The following NXPH1 variants were observed in gnomAD, a reference collection of about 807,000 sequenced individuals.
NXPH1 encodes the protein neurexophilin 1, also known as neurexophilin-1.
NXPH1 carries 5 observed loss-of-function variants against 23.7 expected under a neutral mutation model. That is an observed-to-expected ratio of 0.21 (90% CI 0.11 to 0.44). The LOEUF is 0.44. Among genes scored for constraint, NXPH1 ranks in the 20% least tolerant of loss-of-function variants. NXPH1 has a pLI of 0.99. For missense variants in NXPH1, 324 were observed against 321.6 expected, an observed-to-expected ratio of 1.01 and a Z score of -0.06; for synonymous variants, 144 against 122.2, an observed-to-expected ratio of 1.18 and a Z score of -1.18.
intron 2 of NXPH1, among the ~76,000 whole-genome samples, chr7:8,455,611 T>G (rs575286168): frequency 0.037 from 5,708 of 152,284 alleles, 140 homozygotes; most frequent in Non-Finnish European, 0.053. Context: ...CCAGAGAGAA[T>G]GTTAATTCCC....
intron 2 of NXPH1, among the ~76,000 whole-genome samples, chr7:8,749,220 C>T (rs957296541): frequency 2.0e-5 from 3 of 152,196 alleles, no homozygotes; most frequent in African/African-American, 4.8e-5. Context: ...AGCCACTGTT[C>T]TAAAGGTTTT....
At chr7:8,596,032 A>G (rs775162052) in intron 2 of NXPH1, among the ~76,000 whole-genome samples, 1 of 152,146 alleles carries the variant, frequency 6.6e-6, no homozygotes, top group Non-Finnish European at 1.5e-5. Flanking sequence ...TGATATGTCT[A>G]TGATGTACAT....
At chr7:8,724,643 T>C (rs1454207228) in intron 2 of NXPH1, among the ~76,000 whole-genome samples, 2 of 152,238 alleles carry the variant, frequency 1.3e-5, no homozygotes, top group African/African-American at 2.4e-5. Flanking sequence ...TTTCATCTTA[T>C]GATGTTTGTA....
At chr7:8,728,652 C>T (rs1031093343) in intron 2 of NXPH1, among the ~76,000 whole-genome samples, 10 of 151,142 alleles carry the variant, frequency 6.6e-5, no homozygotes, top group South Asian at 4.2e-4. Context: ...TATTGATTTG[C>T]GTATATTGAA....
At chr7:8,439,056 G>A (rs143431021) in intron 2 of NXPH1, among the ~76,000 whole-genome samples, 51 of 152,260 alleles carry the variant, frequency 3.3e-4, no homozygotes, top group African/African-American at 1.1e-3. Flanking sequence ...TGAATGTTAT[G>A]TATTGCAGAT....
intron 2 of NXPH1, among the ~76,000 whole-genome samples, chr7:8,706,023 G>A (rs1263755921): frequency 1.3e-5 from 2 of 152,170 alleles, no homozygotes; most frequent in African/African-American, 4.8e-5. Flanking sequence ...TAGTGTCCCA[G>A]TAGACATAAT....
At chr7:8,462,685 A>G (rs775901717) in intron 2 of NXPH1, among the ~76,000 whole-genome samples, 1 of 152,226 alleles carries the variant, frequency 6.6e-6, no homozygotes, top group Non-Finnish European at 1.5e-5. Flanking sequence ...TGATCCCACA[A>G]TGTATAGATA....
At chr7:8,744,134 G>A (rs528479845) in intron 2 of NXPH1, among the ~76,000 whole-genome samples, 2 of 152,136 alleles carry the variant, frequency 1.3e-5, no homozygotes, top group South Asian at 2.1e-4. Context: ...AATGACCCTT[G>A]TCTATGCCCC....
intron 2 of NXPH1, among the ~76,000 whole-genome samples, chr7:8,704,546 G>A (rs533676575): frequency 1.3e-5 from 2 of 152,216 alleles, no homozygotes; most frequent in South Asian, 2.1e-4. Flanking sequence ...AATTCACTGG[G>A]GTTTCTGGAA....
In NXPH1 at chr7:8,499,204, T is replaced by C. The variant is rs141296572; in HGVS notation, c.54+63437T>C. On this transcript the variant is annotated intron_variant, in intron 2 of 2. Transcript: ENST00000405863. Reference sequence around the variant, plus strand: ...AGGATGATCCTTAAGGAAAGTACTTTAAAGTCTCTTCTATCACCACTACAA... The same window carrying C: ...AGGATGATCCTTAAGGAAAGTACTTCAAAGTCTCTTCTATCACCACTACAA... 2.7e-3 allele frequency among the ~76,000 whole-genome samples: 405 copies of C among 152,184 alleles called. 1 individual carries two copies. Among genetic ancestry groups the C allele is most frequent in the Non-Finnish European group, 4.8e-3 (328 of 67,964 alleles).
At chr7:8,574,126 A>G (rs1258614664) in intron 2 of NXPH1, among the ~76,000 whole-genome samples, 2 of 152,158 alleles carry the variant, frequency 1.3e-5, no homozygotes, top group Admixed American at 6.5e-5. Context: ...CTATTCAGGT[A>G]CATATTGTCT....
intron 2 of NXPH1, among the ~76,000 whole-genome samples, chr7:8,533,972 A>C (rs1182588038): frequency 6.6e-6 from 1 of 152,154 alleles, no homozygotes; most frequent in African/African-American, 2.4e-5. Flanking sequence ...CCCCAGAATA[A>C]ACAAACAAGC....
At chr7:8,624,628 C>G (rs1209212626) in intron 2 of NXPH1, among the ~76,000 whole-genome samples, 1 of 151,946 alleles carries the variant, frequency 6.6e-6, no homozygotes, top group African/African-American at 2.4e-5. Flanking sequence ...CACCATGCAT[C>G]TTTTTGAATG....
intron 2 of NXPH1, among the ~76,000 whole-genome samples, chr7:8,472,663 A>G (rs902164534): frequency 6.6e-6 from 1 of 152,156 alleles, no homozygotes; most frequent in African/African-American, 2.4e-5. Flanking sequence ...CTAATGGCAG[A>G]GAGGAGATGG....
At chr7:8,474,885 G>A (rs912113096) in intron 2 of NXPH1, among the ~76,000 whole-genome samples, 4 of 152,022 alleles carry the variant, frequency 2.6e-5, no homozygotes, top group Admixed American at 6.5e-5. Context: ...ATGAAGCTGC[G>A]GCCATGCTGG....
chr7:8,507,061 C>T (rs185950817), intron 2 of NXPH1, among the ~76,000 whole-genome samples: 30 of 149,864 alleles, frequency 2.0e-4, no homozygotes, highest in Middle Eastern at 3.4e-3. Flanking sequence ...AAATGGGAAG[C>T]TATGCAACAG....
intron 2 of NXPH1, among the ~76,000 whole-genome samples, chr7:8,749,774 C>T (rs1452688563): frequency 6.6e-6 from 1 of 152,172 alleles, no homozygotes; most frequent in East Asian, 1.9e-4. Context: ...TACCTTAAAA[C>T]AGCAAGTCCG....
At chr7:8,557,735 G>C (rs2128620349) in intron 2 of NXPH1, among the ~76,000 whole-genome samples, 1 of 151,776 alleles carries the variant, frequency 6.6e-6, no homozygotes, top group Non-Finnish European at 1.5e-5. Context: ...CAAACCTCCA[G>C]TGAAATTCAT....
chr7:8,669,934 C>T (rs1820840495), intron 2 of NXPH1, among the ~76,000 whole-genome samples: 1 of 152,160 alleles, frequency 6.6e-6, no homozygotes, highest in Non-Finnish European at 1.5e-5. Context: ...GATGTTTCTG[C>T]AGGAAGCCAG....
Sources: gnomAD v4.1 joint callset for allele counts (sites outside exome capture counted in the v4.1 genomes callset) on GRCh38, gnomAD v4.1.1 for gene constraint, MANE v1.5 for transcripts, NCBI Gene and HGNC (gene_info 2026-07-23, HGNC 2026-07-21) for gene names.